The following IFT80 variants were observed in gnomAD, a reference collection of about 807,000 sequenced individuals.
The protein encoded by IFT80 is intraflagellar transport 80, also known as intraflagellar transport protein 80 homolog.
A neutral mutation model predicts 107.9 loss-of-function variants in IFT80; 79 were observed. That is an observed-to-expected ratio of 0.73 (90% CI 0.61 to 0.88). The LOEUF (loss-of-function observed/expected upper bound fraction) is 0.88. IFT80 is among the 40% of genes least tolerant of loss of function. The pLI is 0.00. For synonymous variants in IFT80, 299 were observed against 300.9 expected (o/e 0.99, Z 0.07); for missense variants, 797 against 914.2 (o/e 0.87, Z 1.65).
chr3:160,381,211 T>C (rs1461815478), intron 3 of IFT80, among the ~76,000 whole-genome samples: 5 of 141,122 alleles, frequency 3.5e-5, no homozygotes, highest in African/African-American at 1.3e-4. Context: ...CACTCTGGCC[T>C]GGGCAACAGA....
intron 9 of IFT80, among the ~76,000 whole-genome samples, chr3:160,313,175 G>A (rs1170299178): frequency 2.2e-5 from 3 of 136,504 alleles, no homozygotes; most frequent in Admixed American, 1.7e-4. Flanking sequence ...CCATTTTCAC[G>A]AGAAGTCTGA....
intron 9 of IFT80, among the ~76,000 whole-genome samples, chr3:160,316,368 C>A (rs983147112): frequency 1.3e-5 from 2 of 152,162 alleles, no homozygotes; most frequent in Non-Finnish European, 2.9e-5. Context: ...AAACTAAAGT[C>A]CTGGTCAATG....
intron 8 of IFT80, among the ~76,000 whole-genome samples, chr3:160,331,843 T>C (rs1198008959): frequency 6.6e-6 from 1 of 152,100 alleles, no homozygotes; most frequent in Non-Finnish European, 1.5e-5. Context: ...TTATTTTTAG[T>C]AGAGATAAGG....
intron 9 of IFT80, among the ~76,000 whole-genome samples, chr3:160,308,420 C>A (rs1386963194): frequency 2.6e-5 from 4 of 151,866 alleles, no homozygotes; most frequent in Non-Finnish European, 5.9e-5. Flanking sequence ...GACTATTTTG[C>A]AAGGATTTTA....
chr3:160,298,324 A>T (rs1362050917), intron 12 of IFT80, among the ~76,000 whole-genome samples: 2 of 152,246 alleles, frequency 1.3e-5, no homozygotes, highest in East Asian at 1.9e-4. Context: ...TAATTTTTTT[A>T]AAAAAGGAAC....
At chr3:160,333,302 T>G (rs1224853403) in intron 8 of IFT80, among the ~76,000 whole-genome samples, 1 of 152,152 alleles carries the variant, frequency 6.6e-6, no homozygotes, top group African/African-American at 2.4e-5. Context: ...TACTATCAAT[T>G]TTATAAACAC....
intron 8 of IFT80, among the ~76,000 whole-genome samples, chr3:160,322,892 T>C (rs1049511022): frequency 9.2e-5 from 14 of 152,156 alleles, no homozygotes; most frequent in African/African-American, 3.4e-4. Flanking sequence ...TGTTTGTTTT[T>C]TTCTTGTAAA....
chr3:160,270,949 C>T (rs1228523559), intron 18 of IFT80, among the ~76,000 whole-genome samples: 1 of 152,016 alleles, frequency 6.6e-6, no homozygotes, highest in Middle Eastern at 3.2e-3. Flanking sequence ...TGGAGCTTTT[C>T]CAAAATTCCG....
At chr3:160,358,714 T>G (rs1008485149) in intron 6 of IFT80, among the ~76,000 whole-genome samples, 3 of 152,248 alleles carry the variant, frequency 2.0e-5, no homozygotes, top group Non-Finnish European at 4.4e-5. Flanking sequence ...TCAAGATTTA[T>G]GAATAAAATA....
chr3:160,380,987 C>T (rs1327926050), intron 3 of IFT80, among the ~76,000 whole-genome samples: 2 of 151,834 alleles, frequency 1.3e-5, no homozygotes, highest in Admixed American at 6.6e-5. Flanking sequence ...GTAATCCCAG[C>T]ACTTTGGGAG....
At chr3:160,336,208 A>T (rs1719448890) in intron 8 of IFT80, among the ~76,000 whole-genome samples, 1 of 152,244 alleles carries the variant, frequency 6.6e-6, no homozygotes, top group Middle Eastern at 3.4e-3. Context: ...TAATGTTTTG[A>T]GTAGCTGCCA....
At chr3:160,340,374 G>A (rs1250199338) in intron 8 of IFT80, among the ~76,000 whole-genome samples, 1 of 152,126 alleles carries the variant, frequency 6.6e-6, no homozygotes, top group Non-Finnish European at 1.5e-5. Context: ...TAGAGCCTTA[G>A]AAAAACATAA....
At chr3:160,311,593 T>C (rs545329768) in intron 9 of IFT80, among the ~76,000 whole-genome samples, 18 of 151,098 alleles carry the variant, frequency 1.2e-4, no homozygotes, top group African/African-American at 3.9e-4. Context: ...AAGAGGGGAG[T>C]AGTCTGATGA....
intron 10 of IFT80, 45 bp downstream of exon 10, chr3:160,307,618 C>A (rs761729565): frequency 9.6e-7 from 1 of 1,037,258 alleles, no homozygotes; most frequent in South Asian, 1.3e-5. Flanking sequence ...CTCCTCAGCA[C>A]AGACAGACAA....
At chr3:160,389,708 A>G (rs1713218509) in intron 1 of IFT80, among the ~76,000 whole-genome samples, 1 of 151,676 alleles carries the variant, frequency 6.6e-6, no homozygotes, top group South Asian at 2.1e-4. Context: ...TATGTGCCAC[A>G]TTTTCTTAAT....
At chr3:160,394,749 CA>C (rs980407441) in intron 1 of IFT80, among the ~76,000 whole-genome samples, 1 of 139,280 alleles carries the variant, frequency 7.2e-6, no homozygotes, top group Admixed American at 7.1e-5. Flanking sequence ...TACTCCATCT[CA>C]AAAAAGAAAA....
chr3:160,271,925 T>C (rs1713839884), intron 18 of IFT80, among the ~76,000 whole-genome samples: 1 of 149,210 alleles, frequency 6.7e-6, no homozygotes, highest in Admixed American at 6.7e-5. Flanking sequence ...CTAACACTAC[T>C]ATAATGAAGT....
intron 9 of IFT80, among the ~76,000 whole-genome samples, chr3:160,312,051 G>T (rs991332266): frequency 6.6e-6 from 1 of 152,174 alleles, no homozygotes; most frequent in Non-Finnish European, 1.5e-5. Context: ...AAAGTGCTGG[G>T]ATTACAGGCA....
At chr3:160,322,316 G>A (rs1718299549) in intron 8 of IFT80, among the ~76,000 whole-genome samples, 1 of 151,190 alleles carries the variant, frequency 6.6e-6, no homozygotes, top group South Asian at 2.1e-4. Flanking sequence ...ATAGTTTACT[G>A]AGAATGATGA....
Sources: allele counts gnomAD v4.1 joint callset (sites outside exome capture counted in the v4.1 genomes callset), GRCh38; gene constraint gnomAD v4.1.1; transcripts MANE v1.5; gene names NCBI Gene and HGNC (gene_info 2026-07-23, HGNC 2026-07-21).